WRN: variants seen among roughly 807,000 people sequenced by gnomAD.
WRN encodes WRN RecQ like helicase.
In WRN, 149 loss-of-function variants were observed where a neutral mutation model predicts 180.7. The ratio of observed to expected loss-of-function variants is 0.82; its 90% CI spans 0.72 to 0.94. WRN has a LOEUF of 0.94. Ranked by LOEUF, WRN falls within the 40% of genes least tolerant of loss-of-function variation. WRN has a pLI of 0.00. For synonymous variants in WRN, 548 were observed against 568.9 expected, an observed-to-expected ratio of 0.96 and a Z score of 0.52; for missense variants, 1,661 against 1,700.1, an observed-to-expected ratio of 0.98 and a Z score of 0.40.
At chr8:31,062,113 G>T (rs1478092072) in intron 3 of WRN, among the ~76,000 whole-genome samples, 1 of 152,040 alleles carries the variant, frequency 6.6e-6, no homozygotes, top group Non-Finnish European at 1.5e-5. Flanking sequence ...CAACTGTAAG[G>T]TTCACCCTTC....
intron 3 of WRN, among the ~76,000 whole-genome samples, chr8:31,060,548 A>G (rs1450912616): frequency 2.0e-5 from 3 of 152,198 alleles, no homozygotes; most frequent in African/African-American, 4.8e-5. Context: ...CAAACAGACA[A>G]ACAAACAAAC....
At chr8:31,063,387 G>T (rs537145388) in intron 3 of WRN, among the ~76,000 whole-genome samples, 2 of 152,114 alleles carry the variant, frequency 1.3e-5, no homozygotes, top group South Asian at 4.2e-4. Context: ...AATTTAGTTT[G>T]TTTCTAATTT....
chr8:31,146,055 C>A (rs945722622), intron 28 of WRN, among the ~76,000 whole-genome samples: 1 of 151,700 alleles, frequency 6.6e-6, no homozygotes, highest in East Asian at 1.9e-4. Context: ...CATACCAGCC[C>A]ACACTCTTCC....
intron 33 of WRN, among the ~76,000 whole-genome samples, chr8:31,162,031 G>A (rs1016922458): frequency 9.9e-5 from 15 of 151,946 alleles, no homozygotes; most frequent in African/African-American, 3.6e-4. Flanking sequence ...CCTGTGATAC[G>A]AGTCTACCTA....
intron 1 of WRN, among the ~76,000 whole-genome samples, chr8:31,045,411 T>C (rs901583284): frequency 2.0e-5 from 3 of 151,922 alleles, no homozygotes; most frequent in Non-Finnish European, 4.4e-5. Flanking sequence ...TAATTTTTTT[T>C]TTTTTTTTGA....
intron 16 of WRN, among the ~76,000 whole-genome samples, chr8:31,092,795 C>T (rs370356909): frequency 1.1e-3 from 168 of 152,188 alleles, no homozygotes; most frequent in African/African-American, 3.7e-3. Context: ...GCCACTGCTC[C>T]GATTTTCTCT....
chr8:31,147,294 G>C, intron 29 of WRN, 70 bp from the exon 30 acceptor site: 1 of 1,511,924 alleles, frequency 6.6e-7, no homozygotes, highest in Admixed American at 1.7e-5. Flanking sequence ...GGTATCTGAA[G>C]CTCTAAAAAT....
At chr8:31,147,637 A>G (rs1026090253) in intron 30 of WRN, among the ~76,000 whole-genome samples, 161 bp downstream of exon 30, 1 of 152,184 alleles carries the variant, frequency 6.6e-6, no homozygotes. Context: ...AAGCTTTAGT[A>G]CCGTGTTTCT....
In WRN at chr8:31,033,833, C is replaced by T. The variant is rs1811334896; in HGVS notation, c.-217C>T. The stretch of plus-strand genomic sequence containing the variant: ...ATGTGTACTGTGTGCGCCGGGGAGG[C>T]GCCGGCTTGTACTCGGCAGCGCGGG... On this transcript the variant is annotated 5_prime_UTR_variant, in exon 1 of 35. Coordinates refer to ENST00000298139, the MANE Select transcript of WRN (RefSeq NM_000553.6). The T allele has an allele frequency of 1.3e-5, 2 of 152,288 alleles. No individual in the cohort carries two copies. Among genetic ancestry groups the T allele is most frequent in the Admixed American group, 6.5e-5 (1 of 15,284 alleles). 9.4% of individuals were successfully genotyped at this position (152,288 alleles called of 1,614,324 possible).
rs536446960 is a variant in WRN, at chr8:31,123,008, A to G, written c.2631-1514A>G. Reference sequence around the variant, plus strand: ...CCCCTTGTCTGCATTTTCACTTTCTATGTTTTAGTTACTCACAACCACGTC... The same window carrying G: ...CCCCTTGTCTGCATTTTCACTTTCTGTGTTTTAGTTACTCACAACCACGTC... On this transcript the variant is annotated intron_variant, in intron 21 of 34. Transcript: ENST00000298139. 4.6e-5 allele frequency among the ~76,000 whole-genome samples: 7 copies of G among 151,868 alleles called. No homozygotes were observed. In the East Asian group the frequency reaches 1.4e-3, roughly 29 times the overall value.
intron 1 of WRN, among the ~76,000 whole-genome samples, chr8:31,057,189 C>T (rs975703780): frequency 5.3e-5 from 8 of 152,192 alleles, no homozygotes; most frequent in African/African-American, 7.2e-5. Context: ...ATATCAAATA[C>T]GACAGACTAC....
intron 1 of WRN, among the ~76,000 whole-genome samples, chr8:31,039,676 T>C (rs1295619006): frequency 1.3e-5 from 2 of 152,206 alleles, no homozygotes; most frequent in Non-Finnish European, 2.9e-5. Context: ...AGTATGGTGT[T>C]AGCTGTGGGT....
intron 34 of WRN, 60 bp downstream of exon 34, chr8:31,167,290 T>A: frequency 7.2e-7 from 1 of 1,380,082 alleles, no homozygotes; most frequent in Non-Finnish European, 1.0e-6. Flanking sequence ...CATATCCTAG[T>A]ACTAGAATGC....
chr8:31,037,037 C>T (rs2129895540), intron 1 of WRN, among the ~76,000 whole-genome samples: 1 of 152,284 alleles, frequency 6.6e-6, no homozygotes, highest in East Asian at 1.9e-4. Context: ...AAGCGCATTA[C>T]ATTTATTGTG....
Position 31,068,311 on chromosome 8 carries a change from G to A in WRN, c.708G>A (p.Arg236=). The change falls in exon 7 of 35, where the codon AGG becomes AGA. Residue 236 remains arginine, a synonymous_variant. Transcript: ENST00000298139. ...NLEILDDTVQ[R]FAINKEEEIL... is the part of the protein sequence containing the mutation. The stretch of plus-strand genomic sequence containing the variant: ...AGATTTTGGATGATACTGTGCAAAG[G>A]TTTGCTATAAATAAAGGTATGTTAA... The A allele has an allele frequency of 1.2e-6, 2 of 1,607,766 alleles. No homozygotes were observed. The highest frequency in any genetic ancestry group is 1.3e-5 in the African/African-American group (1 of 74,868).
intron 1 of WRN, among the ~76,000 whole-genome samples, chr8:31,043,541 G>A (rs747714251): frequency 4.6e-5 from 7 of 152,060 alleles, no homozygotes; most frequent in East Asian, 3.8e-4. Context: ...GATCATTATC[G>A]TCTTCTTTCT....
intron 24 of WRN, among the ~76,000 whole-genome samples, chr8:31,134,156 C>T (rs1240305066): frequency 6.6e-6 from 1 of 151,972 alleles, no homozygotes; most frequent in Non-Finnish European, 1.5e-5. Flanking sequence ...TTTTTTCTCC[C>T]CATTTCAGTG....
chr8:31,174,788 TCCCTTCC>T lies in WRN; in HGVS notation c.*1689_*1695del, dbSNP rs1804216608. On this transcript the variant is annotated 3_prime_UTR_variant, in exon 35 of 35. Coordinates refer to ENST00000298139, the MANE Select transcript of WRN (RefSeq NM_000553.6). Reference sequence around the variant, plus strand: ...TCTTTCTCTCTTTCCTTCCTTCCCTTCCCTTCCCCTTCCTTCCTTCCTTCCTTCCTTC... The same window carrying T: ...TCTTTCTCTCTTTCCTTCCTTCCCTTCCTTCCTTCCTTCCTTCCTTCCTTC... Among the ~76,000 whole-genome samples the T allele has an allele frequency of 1.5e-5, 1 of 65,570 alleles. No individual in the cohort carries two copies. Among genetic ancestry groups the T allele is most frequent in the Admixed American group, 1.4e-4 (1 of 6,940 alleles). The allele number at this position is 65,570 out of a possible 152,430, so 43.0% of individuals were successfully genotyped here. A position where few individuals can be genotyped will look rare whatever the true frequency, so the allele number is the denominator to read the frequency against.
chr8:31,085,265 A>T lies in WRN; in HGVS notation c.1431+19A>T. 6.2e-7 allele frequency: 1 copy of T among 1,612,112 alleles called. No homozygotes were observed. ...GCTTAAGGTATGTTTACAATTATAA[A>T]AACATTACTTCAAGTTCTTTCCAAA... On this transcript the variant is annotated intron_variant, in intron 11 of 34. Transcript: ENST00000298139.
Sources: allele counts gnomAD v4.1 joint callset (sites outside exome capture counted in the v4.1 genomes callset), GRCh38; gene constraint gnomAD v4.1.1; transcripts MANE v1.5; gene names NCBI Gene and HGNC (gene_info 2026-07-23, HGNC 2026-07-21).